PARN: variants seen among roughly 807,000 people sequenced by gnomAD.
PARN encodes poly(A)-specific ribonuclease PARN.
PARN carries 71 observed loss-of-function variants against 102.8 expected under a neutral mutation model. The ratio of observed to expected loss-of-function variants is 0.69; its 90% CI spans 0.57 to 0.84. The LOEUF is 0.84. PARN is among the 40% of genes least tolerant of loss of function. PARN has a pLI of 0.00. For synonymous variants in PARN, 261 were observed against 252.9 expected (o/e 1.03, Z -0.30); for missense variants, 782 against 760.9 (o/e 1.03, Z -0.33).
At chr16:14,610,850 T>C in intron 6 of PARN, 41 bp from the exon 7 acceptor site, 1 of 1,383,694 alleles carries the variant, frequency 7.2e-7, no homozygotes, top group Non-Finnish European at 1.0e-6. Context: ...CAGAAGTAAC[T>C]GTCTAACATA....
At chr16:14,574,013 A>G (rs1968966567) in intron 18 of PARN, among the ~76,000 whole-genome samples, 1 of 152,246 alleles carries the variant, frequency 6.6e-6, no homozygotes, top group African/African-American at 2.4e-5. Context: ...AAACTGGGTA[A>G]CAGGCAGAGG....
chr16:14,536,995 G>C (rs1966636762), intron 21 of PARN, among the ~76,000 whole-genome samples: 1 of 152,024 alleles, frequency 6.6e-6, no homozygotes, highest in South Asian at 2.1e-4. Context: ...ACAATCAACA[G>C]AATGAAAAAC....
Position 14,457,273 on chromosome 16 carries a change from TACCTCACACAGCAAAATGA to T in PARN, c.1671-10211_1671-10193del, listed in dbSNP as rs1961721156. On this transcript the variant is annotated intron_variant, in intron 22 of 23. Transcript: ENST00000437198. ...TGAGGGAAGGTCCCACTGTGCAAAC[TACCTCACACAGCAAAATGA>T]ACTGGAGAGATCCGGTAAGTGGGAG... 1.3e-5 allele frequency among the ~76,000 whole-genome samples: 2 copies of T among 152,172 alleles called. 1 individual carries two copies. The highest frequency in any genetic ancestry group is 2.9e-5 in the Non-Finnish European group (2 of 68,032).
chr16:14,508,642 C>A (rs1965023835), intron 21 of PARN, among the ~76,000 whole-genome samples: 1 of 151,296 alleles, frequency 6.6e-6, no homozygotes, highest in Non-Finnish European at 1.5e-5. Context: ...TATAGAAATC[C>A]CTATAATTTC....
At chr16:14,558,217 G>A (rs1485917938) in intron 18 of PARN, among the ~76,000 whole-genome samples, 1 of 152,240 alleles carries the variant, frequency 6.6e-6, no homozygotes, top group Non-Finnish European at 1.5e-5. Flanking sequence ...CAGATCACCT[G>A]AGGTCAGGAG....
chr16:14,518,181 A>C (rs1965549578), intron 21 of PARN, among the ~76,000 whole-genome samples: 1 of 151,622 alleles, frequency 6.6e-6, no homozygotes, highest in Admixed American at 6.6e-5. Context: ...GAGAATAAAT[A>C]AAACAGACCA....
At chr16:14,441,864 T>C (rs1181152609) in intron 23 of PARN, among the ~76,000 whole-genome samples, 1 of 152,216 alleles carries the variant, frequency 6.6e-6, no homozygotes, top group Non-Finnish European at 1.5e-5. Flanking sequence ...ATGAGGAGAC[T>C]GCTGCTCTAA....
intron 13 of PARN, among the ~76,000 whole-genome samples, chr16:14,590,652 A>G (rs1970143550): frequency 6.6e-6 from 1 of 151,540 alleles, no homozygotes; most frequent in South Asian, 2.1e-4. Context: ...AAAAAAAAAA[A>G]AGAAATGCAA....
intron 14 of PARN, among the ~76,000 whole-genome samples, chr16:14,585,620 G>A (rs1000725585): frequency 6.6e-6 from 1 of 152,128 alleles, no homozygotes; most frequent in Admixed American, 6.5e-5. Context: ...GACTTGAAGT[G>A]GATGAAAAAC....
chr16:14,573,991 A>G (rs1968965103), intron 18 of PARN, among the ~76,000 whole-genome samples: 1 of 152,250 alleles, frequency 6.6e-6, no homozygotes, highest in Non-Finnish European at 1.5e-5. Flanking sequence ...AAAAAATGTG[A>G]AAGTGACTTT....
At chr16:14,522,871 C>T (rs1365358585) in intron 21 of PARN, among the ~76,000 whole-genome samples, 1 of 151,948 alleles carries the variant, frequency 6.6e-6, no homozygotes, top group African/African-American at 2.4e-5. Context: ...CAAGTGGGTG[C>T]TAAGAAAAAG....
intron 22 of PARN, among the ~76,000 whole-genome samples, chr16:14,455,379 G>C (rs1262864214): frequency 6.6e-6 from 1 of 152,094 alleles, no homozygotes; most frequent in Non-Finnish European, 1.5e-5. Context: ...TTTTATATCA[G>C]CTGATTTCAC....
chr16:14,470,642 A>G lies in PARN; in HGVS notation c.1670+11996T>C, dbSNP rs369467577. Among the ~76,000 whole-genome samples the G allele has an allele frequency of 9.3e-5, 14 of 150,972 alleles. No homozygotes were observed. In the South Asian group the frequency reaches 3.0e-3, roughly 32 times the overall value. ...CCCGGCTAACTTTTGTAATTTTTGT[A>G]GAGACAGGGTTTCGCCATGTTGTCC... On this transcript the variant is annotated intron_variant, in intron 22 of 23. Transcript: ENST00000437198.
intron 21 of PARN, among the ~76,000 whole-genome samples, chr16:14,531,271 G>C (rs1490565304): frequency 1.3e-5 from 2 of 151,896 alleles, no homozygotes; most frequent in Non-Finnish European, 2.9e-5. Flanking sequence ...CTAGAACCCA[G>C]AACGCAGAGG....
At chr16:14,558,854 G>C (rs1459836284) in intron 18 of PARN, among the ~76,000 whole-genome samples, 3 of 152,030 alleles carry the variant, frequency 2.0e-5, no homozygotes, top group Non-Finnish European at 4.4e-5. Context: ...TTTGAGCTTT[G>C]TTTCTCAAAA....
At chr16:14,521,408 A>G (rs1965724522) in intron 21 of PARN, among the ~76,000 whole-genome samples, 1 of 152,204 alleles carries the variant, frequency 6.6e-6, no homozygotes, top group Admixed American at 6.5e-5. Context: ...GCCTGTGCAA[A>G]GTCACATGTC....
chr16:14,588,789 T>C (rs1970005317), intron 13 of PARN, among the ~76,000 whole-genome samples: 1 of 151,716 alleles, frequency 6.6e-6, no homozygotes, highest in African/African-American at 2.4e-5. Context: ...GACTGAGACA[T>C]GAGAATCACT....
At chr16:14,583,990 T>C (rs1272394905) in intron 16 of PARN, among the ~76,000 whole-genome samples, 1 of 152,220 alleles carries the variant, frequency 6.6e-6, no homozygotes, top group Non-Finnish European at 1.5e-5. Flanking sequence ...TTTTTTACTC[T>C]ACCCCTGGTG....
intron 5 of PARN, among the ~76,000 whole-genome samples, chr16:14,626,640 C>G (rs1387526520): frequency 6.7e-6 from 1 of 149,648 alleles, no homozygotes. Flanking sequence ...GAGCCAGAGT[C>G]TCGCTCTGTT....
Sources: allele counts gnomAD v4.1 joint callset (sites outside exome capture counted in the v4.1 genomes callset), GRCh38; gene constraint gnomAD v4.1.1; transcripts MANE v1.5; gene names NCBI Gene and HGNC (gene_info 2026-07-23, HGNC 2026-07-21).